The following POLGARF variants were observed in gnomAD, a reference collection of about 807,000 sequenced individuals.
The protein encoded by POLGARF is POLG alternative reading frame.
At chr15:89,331,151 AG>A in the POLGARF span, among the ~76,000 whole-genome samples, 71,345 of 152,006 alleles carry the variant, frequency 0.47, 17,724 homozygotes, top group African/African-American at 0.64. Flanking sequence ...GAAGGGAAAA[AG>A]GGAGTATCTG....
chr15:89,331,462 A>G, the POLGARF span, among the ~76,000 whole-genome samples: 10 of 152,376 alleles, frequency 6.6e-5, no homozygotes, highest in South Asian at 2.1e-4. Flanking sequence ...GCATGAAGCC[A>G]TATTATAAAC....
At chr15:89,333,085 C>A in the POLGARF span, 331 of 1,510,744 alleles carry the variant, frequency 2.2e-4, 4 homozygotes, top group South Asian at 4.0e-3. Context: ...CCCAACCCTG[C>A]CCCTACTTAC....
the POLGARF span, among the ~76,000 whole-genome samples, chr15:89,330,839 C>T: frequency 6.7e-6 from 1 of 149,748 alleles, no homozygotes; most frequent in Admixed American, 6.6e-5. Flanking sequence ...CTTGGAGAAG[C>T]AACCACCCTC....
At chr15:89,333,772 C>G in the POLGARF span, 1 of 1,534,988 alleles carries the variant, frequency 6.5e-7, no homozygotes, top group East Asian at 2.4e-5. Flanking sequence ...GCAGGGACCC[C>G]CACGCTGGGA....
At chr15:89,331,933 G>T in the POLGARF span, among the ~76,000 whole-genome samples, 91 of 152,290 alleles carry the variant, frequency 6.0e-4, no homozygotes, top group African/African-American at 2.0e-3. Context: ...GGGAGGGAAA[G>T]GAGAGGTAAA....
the POLGARF span, among the ~76,000 whole-genome samples, chr15:89,332,010 C>A: frequency 6.6e-6 from 1 of 152,326 alleles, no homozygotes; most frequent in East Asian, 1.9e-4. Flanking sequence ...AAATGACCGA[C>A]AGATCAAAAA....
At chr15:89,330,898 A>G in the POLGARF span, among the ~76,000 whole-genome samples, 6 of 148,586 alleles carry the variant, frequency 4.0e-5, no homozygotes, top group Non-Finnish European at 9.0e-5. Context: ...TGTGTATGTG[A>G]CAGGGTTGGG....
chr15:89,331,088 C>T, the POLGARF span, among the ~76,000 whole-genome samples: 4 of 152,154 alleles, frequency 2.6e-5, no homozygotes, highest in Admixed American at 6.5e-5. Context: ...AAGTGAGTGA[C>T]GAGGCCACGT....
At chr15:89,330,487 T>C in the POLGARF span, among the ~76,000 whole-genome samples, 1 of 152,280 alleles carries the variant, frequency 6.6e-6, no homozygotes, top group African/African-American at 2.4e-5. Context: ...CAAAAGCTTC[T>C]TTAAACTTCT....
chr15:89,331,865 T>C, the POLGARF span, among the ~76,000 whole-genome samples: 2 of 138,334 alleles, frequency 1.4e-5, no homozygotes, highest in Non-Finnish European at 3.1e-5. Flanking sequence ...AACTAAGCAA[T>C]GCCCCGAGTA....
chr15:89,332,734 T>C, the POLGARF span, among the ~76,000 whole-genome samples: 2 of 152,124 alleles, frequency 1.3e-5, no homozygotes, highest in Non-Finnish European at 2.9e-5. Context: ...GCTCCCCAAA[T>C]AGAAACACTG....
the POLGARF span, chr15:89,333,729 A>G: frequency 6.5e-7 from 1 of 1,535,610 alleles, no homozygotes; most frequent in East Asian, 2.4e-5. Flanking sequence ...GGCGCCGGCC[A>G]CCTTCCTCCA....
chr15:89,333,651 G>T, the POLGARF span: 3 of 1,581,486 alleles, frequency 1.9e-6, no homozygotes, highest in Non-Finnish European at 2.6e-6. Context: ...CCCGTCGCTG[G>T]GGTCGGACGC....
At chr15:89,333,334 G>A in the POLGARF span, 3 of 1,561,860 alleles carry the variant, frequency 1.9e-6, no homozygotes, top group Non-Finnish European at 1.7e-6. Flanking sequence ...TGGGCCAGGA[G>A]GCGGAAGTGC....
At chr15:89,331,395 G>C in the POLGARF span, among the ~76,000 whole-genome samples, 1 of 152,138 alleles carries the variant, frequency 6.6e-6, no homozygotes, top group Admixed American at 6.5e-5. Context: ...GGTGGTAACA[G>C]GAACTTTGGT....
At chr15:89,333,463 C>G in the POLGARF span, 1 of 1,611,474 alleles carries the variant, frequency 6.2e-7, no homozygotes, top group Non-Finnish European at 8.5e-7. Context: ...CGCACCGCGG[C>G]CTCGCCAGGC....
At chr15:89,332,957 G>A in the POLGARF span, 1 of 1,141,788 alleles carries the variant, frequency 8.8e-7, no homozygotes, top group African/African-American at 1.6e-5. Context: ...ATAAACAGGG[G>A]TCTAGTCCTA....
chr15:89,330,412 C>A, the POLGARF span: 3 of 742,996 alleles, frequency 4.0e-6, no homozygotes, highest in Non-Finnish European at 4.7e-6. Flanking sequence ...AAAGGGTGCT[C>A]CTAACTCAAA....
At chr15:89,332,884 C>T in the POLGARF span, among the ~76,000 whole-genome samples, 473 of 152,264 alleles carry the variant, frequency 3.1e-3, 2 homozygotes, top group African/African-American at 0.011. Context: ...GCCTTTACTG[C>T]CTGACATTTA....
Sources: allele counts gnomAD v4.1 joint callset (sites outside exome capture counted in the v4.1 genomes callset), GRCh38; gene constraint gnomAD v4.1.1; transcripts MANE v1.5; gene names NCBI Gene and HGNC (gene_info 2026-07-23, HGNC 2026-07-21).